PDZD2: variants seen among roughly 807,000 people sequenced by gnomAD.
PDZD2 encodes the protein PDZ domain-containing protein 2.
Under a neutral mutation model 220.7 loss-of-function variants are expected in PDZD2, and 90 were observed. That is an observed-to-expected ratio of 0.41 (90% CI 0.34 to 0.49). PDZD2 has a LOEUF of 0.49. PDZD2 is among the 20% of genes least tolerant of loss of function. The pLI, the probability that PDZD2 is intolerant of heterozygous loss-of-function variation, is 0.28. For synonymous variants in PDZD2, 1,375 were observed against 1,450.5 expected (o/e 0.95, Z 1.18); for missense variants, 3,174 against 3,608.5 (o/e 0.88, Z 3.08).
intron 1 of PDZD2, among the ~76,000 whole-genome samples, chr5:31,750,141 G>T (rs1297723816): frequency 6.6e-6 from 1 of 152,134 alleles, no homozygotes; most frequent in African/African-American, 2.4e-5. Context: ...TGACTTTAGG[G>T]TCACATGGGC....
chr5:31,714,800 T>C (rs1043859421), intron 1 of PDZD2, among the ~76,000 whole-genome samples: 9 of 152,080 alleles, frequency 5.9e-5, no homozygotes, highest in African/African-American at 2.2e-4. Flanking sequence ...TGCTCACGCC[T>C]GTAATCCTAG....
At position 31,639,980 on chromosome 5, in the gene PDZD2, G is replaced by A. The variant is rs1291628265; in HGVS notation, c.-361+543G>A. Among the ~76,000 whole-genome samples, 1 of 152,112 alleles carries A rather than the reference G, an allele frequency of 6.6e-6. No homozygotes were observed. The highest frequency in any genetic ancestry group is 2.4e-5 in the African/African-American group (1 of 41,440). The stretch of plus-strand genomic sequence containing the variant: ...CAAAGATCAAGGGCATCTTAGGGCC[G>A]GTTATTGGCGTCTGCCGGGGAGATG... On this transcript the variant is annotated intron_variant, in intron 1 of 24. Transcript: ENST00000438447. This position sits in a 1 kb window ranked among gnomAD's most constrained non-coding sequence, Gnocchi z 4.1.
chr5:31,820,118 T>C (rs955085256), intron 2 of PDZD2, among the ~76,000 whole-genome samples: 3 of 152,224 alleles, frequency 2.0e-5, no homozygotes, highest in Non-Finnish European at 4.4e-5. Flanking sequence ...TGTAACCTGA[T>C]TGGATCTTGC....
intron 1 of PDZD2, among the ~76,000 whole-genome samples, chr5:31,662,933 G>A (rs113327745): frequency 6.6e-6 from 1 of 152,124 alleles, no homozygotes; most frequent in South Asian, 2.1e-4. Flanking sequence ...CCTGGCCAAG[G>A]CCCCACCTTC....
At chr5:31,816,481 C>T (rs926699795) in intron 2 of PDZD2, among the ~76,000 whole-genome samples, 17 of 151,768 alleles carry the variant, frequency 1.1e-4, no homozygotes, top group African/African-American at 3.6e-4. Context: ...AACTACTTTT[C>T]GAAAGAAAGT....
intron 1 of PDZD2, among the ~76,000 whole-genome samples, chr5:31,708,358 C>T (rs1747926017): frequency 6.6e-6 from 1 of 152,234 alleles, no homozygotes; most frequent in East Asian, 1.9e-4. Flanking sequence ...CCATGGGAAA[C>T]CAGTGTCCTA....
Position 31,727,701 on chromosome 5 carries a change from C to CA in PDZD2, c.-360-71172dup, listed in dbSNP as rs56763561. ...GGCAACAAGTAGCAAAGCTCAATCT[C>CA]AAAAAAAAAAAAAAAAGAAAGGCCG... On this transcript the variant is annotated intron_variant, in intron 1 of 24. Coordinates refer to ENST00000438447, the MANE Select transcript of PDZD2 (RefSeq NM_178140.4). 5.1e-3 allele frequency among the ~76,000 whole-genome samples: 463 copies of CA among 90,466 alleles called. 2 individuals carry two copies. Among genetic ancestry groups the CA allele is most frequent in the African/African-American group, 0.013 (270 of 20,858 alleles). 59.3% of individuals were successfully genotyped at this position (90,466 alleles called of 152,430 possible).
intron 6 of PDZD2, among the ~76,000 whole-genome samples, chr5:32,020,427 T>C (rs562428105): frequency 6.6e-6 from 1 of 152,350 alleles, no homozygotes; most frequent in African/African-American, 2.4e-5. Context: ...CAGGGTAACG[T>C]GGCTCATTTT....
chr5:32,030,648 C>T (rs1297536479), intron 6 of PDZD2, among the ~76,000 whole-genome samples: 1 of 152,136 alleles, frequency 6.6e-6, no homozygotes, highest in Non-Finnish European at 1.5e-5. Context: ...AGATAATATA[C>T]AGGGTCCATC....
rs753942125 is a variant in PDZD2, at chr5:32,101,244, T to C, written c.8353+5T>C. 3.2e-6 allele frequency: 5 copies of C among 1,586,638 alleles called. No individual in the cohort carries two copies. In the South Asian group the frequency reaches 4.6e-5, roughly 14 times the overall value. ...TCATTAAAAGAGTGTACAAAGGTAA[T>C]GTTCTAGACAACTCAGTCAGCCTTC... On this transcript the variant is annotated splice_donor_5th_base_variant and intron_variant, in intron 24 of 24. Coordinates refer to ENST00000438447, the MANE Select transcript of PDZD2 (RefSeq NM_178140.4).
intron 1 of PDZD2, among the ~76,000 whole-genome samples, chr5:31,796,906 G>A (rs9292442): frequency 1.3e-5 from 2 of 150,740 alleles, no homozygotes; most frequent in Non-Finnish European, 3.0e-5. Context: ...TATTTACGGG[G>A]TTTTTTTTGT....
chr5:32,046,537 C>T (rs1055343453), intron 7 of PDZD2, among the ~76,000 whole-genome samples: 5 of 152,058 alleles, frequency 3.3e-5, no homozygotes, highest in African/African-American at 1.2e-4. Context: ...GCCACCGCAC[C>T]CAGCCTAAAT....
At chr5:31,937,947 G>C (rs965036312) in intron 2 of PDZD2, among the ~76,000 whole-genome samples, 7 of 152,222 alleles carry the variant, frequency 4.6e-5, no homozygotes, top group Non-Finnish European at 8.8e-5. Context: ...TGTATGGCCT[G>C]GGAGCTAAGA....
intron 2 of PDZD2, among the ~76,000 whole-genome samples, chr5:31,957,662 A>G (rs998574846): frequency 2.0e-5 from 3 of 152,188 alleles, no homozygotes; most frequent in Non-Finnish European, 4.4e-5. Context: ...GCTTGGTATC[A>G]TAACATCTTG....
intron 2 of PDZD2, among the ~76,000 whole-genome samples, chr5:31,805,624 T>C (rs1754668264): frequency 6.6e-6 from 1 of 152,164 alleles, no homozygotes; most frequent in African/African-American, 2.4e-5. Flanking sequence ...TGCAATCTCT[T>C]CTGCTCCCTG....
At chr5:31,856,155 C>T (rs1225431118) in intron 2 of PDZD2, among the ~76,000 whole-genome samples, 1 of 152,162 alleles carries the variant, frequency 6.6e-6, no homozygotes, top group Non-Finnish European at 1.5e-5. Context: ...TTCAACTTTG[C>T]AGGTGAATTG....
intron 6 of PDZD2, among the ~76,000 whole-genome samples, chr5:32,020,294 C>T (rs898750134): frequency 1.3e-5 from 2 of 152,100 alleles, no homozygotes; most frequent in African/African-American, 4.8e-5. Context: ...TGAGCCACCA[C>T]CATGCCCAGC....
At chr5:31,888,698 A>C (rs776232470) in intron 2 of PDZD2, among the ~76,000 whole-genome samples, 2 of 152,168 alleles carry the variant, frequency 1.3e-5, no homozygotes, top group Non-Finnish European at 2.9e-5. Context: ...TCAATAACCA[A>C]CTGTTGAGGA....
chr5:32,047,920 TA>T (rs1190710640), intron 7 of PDZD2, among the ~76,000 whole-genome samples: 6 of 152,172 alleles, frequency 3.9e-5, no homozygotes, highest in Admixed American at 1.3e-4. Flanking sequence ...CAGATAAAAG[TA>T]ATCTGTAATG....
Sources: allele counts gnomAD v4.1 joint callset (sites outside exome capture counted in the v4.1 genomes callset), GRCh38; gene constraint gnomAD v4.1.1; non-coding constraint Gnocchi (gnomAD v3.1); transcripts MANE v1.5; gene names NCBI Gene and HGNC (gene_info 2026-07-23, HGNC 2026-07-21).